Variants in NOX3 observed in about 807,000 individuals in gnomAD.
NOX3 encodes NADPH oxidase catalytic subunit-like 3.
A neutral mutation model predicts 76.7 loss-of-function variants in NOX3; 74 were observed. The ratio of observed to expected loss-of-function variants is 0.96; its 90% CI spans 0.80 to 1.17. The LOEUF (loss-of-function observed/expected upper bound fraction) is 1.17. Among genes scored for constraint, NOX3 ranks in the 50% most tolerant of loss-of-function variants. The pLI, the probability that NOX3 is intolerant of heterozygous loss-of-function variation, is 0.00. For synonymous variants in NOX3, 263 were observed against 261.1 expected, an observed-to-expected ratio of 1.01 and a Z score of -0.07; for missense variants, 695 against 703.3, an observed-to-expected ratio of 0.99 and a Z score of 0.13.
At chr6:155,436,259 T>A (rs1224084484) in intron 7 of NOX3, among the ~76,000 whole-genome samples, 159 bp downstream of exon 7, 1 of 152,210 alleles carries the variant, frequency 6.6e-6, no homozygotes, top group Middle Eastern at 3.2e-3. Context: ...GTAAACCTCT[T>A]TAAAAATTAT....
intron 10 of NOX3, among the ~76,000 whole-genome samples, chr6:155,419,189 A>G (rs1174342264): frequency 6.6e-6 from 1 of 152,236 alleles, no homozygotes; most frequent in Non-Finnish European, 1.5e-5. Flanking sequence ...AATAGTAGCT[A>G]TACTCAAACC....
At position 155,436,436 on chromosome 6, in the gene NOX3, A is replaced by G. The variant is rs1776904364; in HGVS notation, c.780T>C (p.Phe260=). Residue 260 remains phenylalanine (F), a synonymous_variant, in exon 7 of 14, where the codon TTT becomes TTC. Coordinates refer to ENST00000159060, the MANE Select transcript of NOX3 (RefSeq NM_015718.3). ...QTVAQCPVPQ[F]SGKEPSAWKW... The stretch of plus-strand genomic sequence containing the variant: ...TTCTTACCGAGGGTTCCTTGCCAGA[A>G]AATTGAGGCACGGGGCATTGGGCCA... The G allele has an allele frequency of 4.3e-6, 7 of 1,614,060 alleles. No individual in the cohort carries two copies. The highest frequency in any genetic ancestry group is 5.9e-6 in the Non-Finnish European group (7 of 1,180,010).
At chr6:155,422,936 T>A in intron 9 of NOX3, 80 bp from the exon 10 acceptor site, 1 of 1,447,684 alleles carries the variant, frequency 6.9e-7, no homozygotes, top group African/African-American at 1.4e-5. Context: ...GAGCTGGTGC[T>A]TTTTACAGGA....
intron 10 of NOX3, among the ~76,000 whole-genome samples, chr6:155,413,518 TG>T (rs1288641740): frequency 6.6e-6 from 1 of 151,080 alleles, no homozygotes; most frequent in Non-Finnish European, 1.5e-5. Context: ...GTATGGAGGG[TG>T]GGGGAGGAGG....
chr6:155,413,229 G>C (rs368256913), intron 10 of NOX3, among the ~76,000 whole-genome samples: 6 of 152,294 alleles, frequency 3.9e-5, no homozygotes, highest in African/African-American at 1.4e-4. Context: ...GCTTAGGTGG[G>C]AAGTGCAGAT....
intron 12 of NOX3, among the ~76,000 whole-genome samples, chr6:155,399,127 G>T (rs550599232): frequency 2.6e-5 from 4 of 152,214 alleles, no homozygotes; most frequent in Non-Finnish European, 5.9e-5. Flanking sequence ...CCAGTGAGGA[G>T]TCACAGCTTT....
chr6:155,445,900 T>A (rs200466986), intron 4 of NOX3, among the ~76,000 whole-genome samples: 5 of 78,600 alleles, frequency 6.4e-5, no homozygotes, highest in Admixed American at 1.5e-4. Context: ...TATATATATA[T>A]TATATATATG....
At chr6:155,454,748 T>C (rs537186063) in intron 3 of NOX3, 63 bp downstream of exon 3, 68 of 953,252 alleles carry the variant, frequency 7.1e-5, no homozygotes, top group Non-Finnish European at 9.7e-5. Flanking sequence ...ACATTTTTTT[T>C]CAATGGCACT....
intron 9 of NOX3, among the ~76,000 whole-genome samples, chr6:155,423,107 C>A (rs935267572): frequency 6.6e-6 from 1 of 152,162 alleles, no homozygotes; most frequent in Non-Finnish European, 1.5e-5. Context: ...TGACATCTCT[C>A]GCTATAGCTC....
intron 10 of NOX3, among the ~76,000 whole-genome samples, chr6:155,416,342 G>A (rs1251516597): frequency 6.6e-6 from 1 of 152,176 alleles, no homozygotes; most frequent in Admixed American, 6.5e-5. Flanking sequence ...CTGGTGTTTA[G>A]AAAATATATT....
chr6:155,443,015 A>G (rs1361502133), intron 5 of NOX3, among the ~76,000 whole-genome samples: 1 of 152,204 alleles, frequency 6.6e-6, no homozygotes, highest in African/African-American at 2.4e-5. Flanking sequence ...TTAACAGGTT[A>G]CTGCGTTTCT....
At position 155,439,943 on chromosome 6, in the gene NOX3, A is replaced by C; in HGVS notation, c.668+13T>G. 3.1e-6 allele frequency: 5 copies of C among 1,609,148 alleles called. No individual in the cohort carries two copies. The highest frequency in any genetic ancestry group is 8.5e-7 in the Non-Finnish European group (1 of 1,177,992). On this transcript the variant is annotated intron_variant, in intron 6 of 13. Coordinates refer to ENST00000159060, the MANE Select transcript of NOX3 (RefSeq NM_015718.3). ...AGATAAAATCCTTGCAGAGGAGCGCAGTATGGACTTACCCCGTCCCATGGA... is the reference window on the plus strand; with the variant it reads ...AGATAAAATCCTTGCAGAGGAGCGCCGTATGGACTTACCCCGTCCCATGGA...
chr6:155,444,865 C>A (rs1038956033), intron 4 of NOX3, among the ~76,000 whole-genome samples: 1 of 152,158 alleles, frequency 6.6e-6, no homozygotes, highest in African/African-American at 2.4e-5. Flanking sequence ...TGTATATATA[C>A]CCCTGCACAT....
intron 4 of NOX3, among the ~76,000 whole-genome samples, chr6:155,452,833 C>A (rs964151872): frequency 6.6e-6 from 1 of 152,132 alleles, no homozygotes; most frequent in Non-Finnish European, 1.5e-5. Flanking sequence ...CAGAGTTTAA[C>A]CTTGGCCTTG....
chr6:155,411,134 A>ATAGC, intron 11 of NOX3, 80 bp downstream of exon 11: 1 of 1,237,834 alleles, frequency 8.1e-7, no homozygotes, highest in Non-Finnish European at 1.1e-6. Flanking sequence ...AGAGTGCTAC[A>ATAGC]TAGCTCATTA....
At chr6:155,414,603 T>A (rs928775730) in intron 10 of NOX3, among the ~76,000 whole-genome samples, 39 of 151,550 alleles carry the variant, frequency 2.6e-4, no homozygotes, top group African/African-American at 9.4e-4. Context: ...TCCAACACTT[T>A]TTTTTCTTTT....
At chr6:155,404,126 TA>T (rs1028204277) in intron 12 of NOX3, among the ~76,000 whole-genome samples, 11 of 134,918 alleles carry the variant, frequency 8.2e-5, no homozygotes, top group African/African-American at 2.2e-4. Flanking sequence ...TATATATATA[TA>T]TTTTTTTTTT....
chr6:155,443,638 T>C (rs1479734170), intron 4 of NOX3, among the ~76,000 whole-genome samples: 1 of 152,194 alleles, frequency 6.6e-6, no homozygotes, highest in African/African-American at 2.4e-5. Context: ...TTAAGTTATA[T>C]TAATAAATAA....
At chr6:155,426,336 G>A (rs1776754474) in intron 9 of NOX3, among the ~76,000 whole-genome samples, 1 of 152,130 alleles carries the variant, frequency 6.6e-6, no homozygotes, top group Non-Finnish European at 1.5e-5. Context: ...AGCAAACAGA[G>A]GCCCTTTTCT....
Sources: allele counts gnomAD v4.1 joint callset (sites outside exome capture counted in the v4.1 genomes callset), GRCh38; gene constraint gnomAD v4.1.1; transcripts MANE v1.5; gene names NCBI Gene and HGNC (gene_info 2026-07-23, HGNC 2026-07-21).